The following NRL variants were observed in gnomAD, a reference collection of about 807,000 sequenced individuals.
The protein encoded by NRL is neural retina-specific leucine zipper protein.
A neutral mutation model predicts 12.5 loss-of-function variants in NRL; 16 were observed. The ratio of observed to expected loss-of-function variants is 1.28; its 90% CI spans 0.87 to 1.95. The LOEUF is 1.95. NRL is among the 30% of genes most tolerant of loss of function. NRL has a pLI of 0.00. For missense variants in NRL, 314 were observed against 325.8 expected (o/e 0.96, Z 0.28); for synonymous variants, 142 against 150.9 (o/e 0.94, Z 0.43).
chr14:24,094,942 C>A lies in NRL; in HGVS notation c.-27-12067G>T. On this transcript the variant is annotated intron_variant, in intron 1 of 2. Coordinates refer to ENST00000561028, the MANE Select transcript of NRL (RefSeq NM_001354768.3). This position sits in a 1 kb window ranked among gnomAD's most constrained non-coding sequence, Gnocchi z 4.1. ...CTCTCCCGGACTGGAAGGACTGGAA[C>A]CTGGCGGGAAGTCCAGAGCAGCCCG... The A allele has an allele frequency of 1.9e-6, 2 of 1,040,120 alleles. No individual in the cohort carries two copies. Among genetic ancestry groups the A allele is most frequent in the Non-Finnish European group, 2.6e-6 (2 of 770,274 alleles). 64.4% of individuals were successfully genotyped at this position (1,040,120 alleles called of 1,614,324 possible). A position where few individuals can be genotyped will look rare whatever the true frequency, so the allele number is the denominator to read the frequency against.
At chr14:24,090,113 T>C (rs935109954) in intron 1 of NRL, among the ~76,000 whole-genome samples, 1 of 152,128 alleles carries the variant, frequency 6.6e-6, no homozygotes, top group Non-Finnish European at 1.5e-5. Flanking sequence ...TTCGGAAGGA[T>C]CACGTATGTC....
chr14:24,098,659 C>CAGGA, intron 1 of NRL: 2 of 1,613,766 alleles, frequency 1.2e-6, no homozygotes, highest in Non-Finnish European at 1.7e-6. Context: ...ACTCCGTGGG[C>CAGGA]CAGCCCCTGA....
chr14:24,094,643 T>TC lies in NRL; in HGVS notation c.-27-11769dup. 1 of 1,487,478 alleles carries TC rather than the reference T, an allele frequency of 6.7e-7. No individual in the cohort carries two copies. Among genetic ancestry groups the TC allele is most frequent in the South Asian group, 1.3e-5 (1 of 75,734 alleles). The allele number at this position is 1,487,478 out of a possible 1,614,324, so 92.1% of individuals were successfully genotyped here. On this transcript the variant is annotated intron_variant, in intron 1 of 2. Transcript: ENST00000561028. This position sits in a 1 kb window ranked among gnomAD's most constrained non-coding sequence, Gnocchi z 4.1. ...GGTGCTCCTCGTTTCCGCCTGCACC[T>TC]CCCCTTCTCTGCCTCGCTCGCCTCT...
intron 1 of NRL, chr14:24,103,811 A>G: frequency 6.2e-7 from 1 of 1,614,148 alleles, no homozygotes; most frequent in South Asian, 1.1e-5. Flanking sequence ...TCAGAGCTAT[A>G]GACACCACTC....
rs771932471 is a variant in NRL, at chr14:24,082,877, T to C, written c.-27-2A>G. 32 of 1,600,304 alleles carry C rather than the reference T, an allele frequency of 2.0e-5. No individual in the cohort carries two copies. The highest frequency in any genetic ancestry group is 2.6e-5 in the Non-Finnish European group (31 of 1,172,322). ...GGAGCTGGGCTGGGAGGAGTGCACC[T>C]GCAAAGAGGAGGAGAGGTCTGGAGC... On this transcript the variant is annotated splice_acceptor_variant, in intron 1 of 2. Coordinates refer to ENST00000561028, the MANE Select transcript of NRL (RefSeq NM_001354768.3). LOFTEE classifies it low-confidence loss of function (5UTR_SPLICE).
At chr14:24,098,380 C>T in intron 1 of NRL, 3 of 1,611,546 alleles carry the variant, frequency 1.9e-6, no homozygotes, top group Non-Finnish European at 2.5e-6. Flanking sequence ...TTCCAGGCTG[C>T]ATGCAGGGTA....
At chr14:24,099,211 A>G (rs2037045766) in intron 1 of NRL, 1 of 1,599,064 alleles carries the variant, frequency 6.3e-7, no homozygotes, top group Middle Eastern at 1.7e-4. Flanking sequence ...GCCCGGGATG[A>G]GGGCTGGCTG....
chr14:24,097,389 G>GA (rs529973280), intron 1 of NRL, among the ~76,000 whole-genome samples: 16,293 of 118,496 alleles, frequency 0.14, 1,228 homozygotes, highest in South Asian at 0.22. Flanking sequence ...CGTCTCTACT[G>GA]AAAAAAAAAA....
At chr14:24,082,317 G>A (rs976225593) in intron 2 of NRL, 151 bp downstream of exon 2, 2 of 981,912 alleles carry the variant, frequency 2.0e-6, no homozygotes, top group Middle Eastern at 3.3e-4. Context: ...TAGTTTTCTC[G>A]ATCTGATTGC....
At chr14:24,096,872 T>G (rs746790450) in intron 1 of NRL, 1 of 1,603,540 alleles carries the variant, frequency 6.2e-7, no homozygotes, top group African/African-American at 1.3e-5. Context: ...ACTAGCTCAT[T>G]GCCTCTGTTT....
At chr14:24,101,812 TCAGGAGGCAGGAAAATTGCTTGATCC>T (rs1323219902) in intron 1 of NRL, among the ~76,000 whole-genome samples, 1 of 151,760 alleles carries the variant, frequency 6.6e-6, no homozygotes, top group Admixed American at 6.6e-5. Flanking sequence ...TCCCAGCTAC[TCAGGAGGCAGGAAAATTGCTTGATCC>T]CAGGAGGCAG....
chr14:24,108,638 G>A (rs1288416649), intron 1 of NRL, among the ~76,000 whole-genome samples: 1 of 151,948 alleles, frequency 6.6e-6, no homozygotes, highest in South Asian at 2.1e-4. Flanking sequence ...GGCCACTAAA[G>A]GGTATTTACT....
intron 1 of NRL, chr14:24,103,368 C>G: frequency 8.8e-7 from 1 of 1,136,408 alleles, no homozygotes; most frequent in Non-Finnish European, 1.3e-6. Context: ...ATGGCCCCAC[C>G]TCTTCCCACT....
intron 1 of NRL, chr14:24,102,835 G>A (rs1426881172): frequency 1.2e-6 from 2 of 1,613,840 alleles, no homozygotes; most frequent in Admixed American, 1.7e-5. Context: ...CAGCCTGGGA[G>A]GCCCCAGAGG....
intron 1 of NRL, among the ~76,000 whole-genome samples, chr14:24,091,549 T>C (rs563017459): frequency 1.3e-5 from 2 of 152,176 alleles, no homozygotes; most frequent in East Asian, 3.9e-4. Flanking sequence ...CTGGAAGAGA[T>C]TTTAAGCTTA....
At position 24,079,116 on chromosome 14, in the gene NRL, G is replaced by C. The variant is rs2138861654; in HGVS notation, c.*2120C>G. Among the ~76,000 whole-genome samples, 1 of 152,212 alleles carries C rather than the reference G, an allele frequency of 6.6e-6. No homozygotes were observed. Among genetic ancestry groups the C allele is most frequent in the South Asian group, 2.1e-4 (1 of 4,818 alleles). ...GCACTACTCTTAATCACCACAGTGTGCAACTTTGTTTTTTTAAGTATACTC... is the reference window on the plus strand; with the variant it reads ...GCACTACTCTTAATCACCACAGTGTCCAACTTTGTTTTTTTAAGTATACTC... On this transcript the variant is annotated 3_prime_UTR_variant, in exon 3 of 3. Coordinates refer to ENST00000561028, the MANE Select transcript of NRL (RefSeq NM_001354768.3).
chr14:24,114,473 A>C (rs1015838764), intron 1 of NRL: 1 of 168,222 alleles, frequency 5.9e-6, no homozygotes, highest in African/African-American at 2.4e-5. Context: ...GCACTGTCTG[A>C]AAAGTGCGAT....
chr14:24,113,469 C>A (rs2037459319), intron 1 of NRL, among the ~76,000 whole-genome samples: 1 of 152,028 alleles, frequency 6.6e-6, no homozygotes, highest in African/African-American at 2.4e-5. Context: ...CTGGATAACC[C>A]AGAAACCACG....
intron 1 of NRL, among the ~76,000 whole-genome samples, chr14:24,097,971 T>C (rs1330022765): frequency 1.3e-5 from 2 of 151,972 alleles, no homozygotes; most frequent in East Asian, 3.9e-4. Flanking sequence ...TTTTTTTTTT[T>C]CCTCACCAGT....
Sources: gnomAD v4.1 joint callset for allele counts (sites outside exome capture counted in the v4.1 genomes callset) on GRCh38, gnomAD v4.1.1 for gene constraint, Gnocchi (gnomAD v3.1) non-coding constraint, MANE v1.5 for transcripts, NCBI Gene and HGNC (gene_info 2026-07-23, HGNC 2026-07-21) for gene names.